The following STARD13 variants were observed in gnomAD, a reference collection of about 807,000 sequenced individuals.
STARD13 encodes the protein StAR related lipid transfer domain containing 13.
In STARD13, 62 loss-of-function variants were observed where a neutral mutation model predicts 106.4. The observed-to-expected ratio is 0.58, with a 90% CI of 0.48 to 0.72. The LOEUF is 0.72. Ranked by LOEUF, STARD13 falls within the 30% of genes least tolerant of loss-of-function variation. The pLI is 0.00. For synonymous variants in STARD13, 565 were observed against 553.0 expected, an observed-to-expected ratio of 1.02 and a Z score of -0.31; for missense variants, 1,387 against 1,424.0, an observed-to-expected ratio of 0.97 and a Z score of 0.42.
the STARD13 span, among the ~76,000 whole-genome samples, chr13:33,535,563 G>T: frequency 6.6e-6 from 1 of 152,120 alleles, no homozygotes; most frequent in Non-Finnish European, 1.5e-5. Context: ...TAATTGTTTT[G>T]ATTTTCAAAA....
the STARD13 span, among the ~76,000 whole-genome samples, chr13:33,649,085 G>T: frequency 6.6e-6 from 1 of 152,004 alleles, no homozygotes; most frequent in Non-Finnish European, 1.5e-5. Flanking sequence ...GAGCCACTGC[G>T]CCCAGCCTGT....
At chr13:33,577,149 G>A in the STARD13 span, among the ~76,000 whole-genome samples, 1 of 152,154 alleles carries the variant, frequency 6.6e-6, no homozygotes, top group Non-Finnish European at 1.5e-5. Context: ...TCTTGATTGA[G>A]TGATTTTCAT....
At chr13:33,364,770 T>A in the STARD13 span, among the ~76,000 whole-genome samples, 1 of 152,122 alleles carries the variant, frequency 6.6e-6, no homozygotes, top group East Asian at 1.9e-4. Flanking sequence ...GCGCCTGTAG[T>A]CCCAGCTACT....
chr13:33,583,499 A>G, the STARD13 span, among the ~76,000 whole-genome samples: 6,884 of 152,088 alleles, frequency 0.045, 290 homozygotes, highest in East Asian at 0.25. Context: ...GGTGGCTCCT[A>G]TATTTTAGTC....
intron 5 of STARD13, 31 bp downstream of exon 5, chr13:33,128,898 A>G (rs1877669656): frequency 6.4e-7 from 1 of 1,561,522 alleles, no homozygotes; most frequent in South Asian, 1.2e-5. Flanking sequence ...GAAATGGATG[A>G]AAAATCATTT....
In STARD13 at chr13:33,285,720, CCAGCCCAGGA is replaced by C; in HGVS notation, c.-92_-83del. On this transcript the variant is annotated 5_prime_UTR_variant, in exon 1 of 14. Coordinates refer to ENST00000336934, the MANE Select transcript of STARD13 (RefSeq NM_178006.4). ...CAGTCTCAGTCAAAGAGCAAGGCAC[CCAGCCCAGGA>C]CAGCTCAACAGACCCAGCGATTTTT... 1 of 1,576,804 alleles carries C rather than the reference CCAGCCCAGGA, an allele frequency of 6.3e-7. No homozygotes were observed. Among genetic ancestry groups the C allele is most frequent in the Non-Finnish European group, 8.6e-7 (1 of 1,165,032 alleles).
At chr13:33,315,967 TGTC>T (rs959388025) in intron 1 of STARD13, among the ~76,000 whole-genome samples, 4 of 152,160 alleles carry the variant, frequency 2.6e-5, no homozygotes, top group African/African-American at 9.7e-5. Flanking sequence ...GTTACTGTGT[TGTC>T]GTGCATTCTA....
the STARD13 span, among the ~76,000 whole-genome samples, chr13:33,385,435 TA>T: frequency 7.9e-6 from 1 of 125,998 alleles, no homozygotes; most frequent in East Asian, 2.3e-4. Flanking sequence ...GAGGAACTGG[TA>T]ACTGAGTAAA....
At chr13:33,368,798 G>A in the STARD13 span, among the ~76,000 whole-genome samples, 3 of 152,086 alleles carry the variant, frequency 2.0e-5, no homozygotes, top group East Asian at 1.9e-4. Context: ...CGGAGGAGCC[G>A]GCCCACCATT....
the STARD13 span, among the ~76,000 whole-genome samples, chr13:33,426,785 C>T: frequency 1.3e-5 from 2 of 152,084 alleles, no homozygotes; most frequent in Admixed American, 6.5e-5. Context: ...TAAGAGGTCA[C>T]AGTACTCCTA....
chr13:33,205,939 A>T, intron 1 of STARD13: 1 of 982,414 alleles, frequency 1.0e-6, no homozygotes, highest in Non-Finnish European at 1.2e-6. Flanking sequence ...TGCATCTGTC[A>T]CCGAGTGTTT....
intron 1 of STARD13, among the ~76,000 whole-genome samples, chr13:33,265,738 G>T (rs1301370626): frequency 6.6e-6 from 1 of 151,982 alleles, no homozygotes; most frequent in East Asian, 1.9e-4. Flanking sequence ...AAATGTATAT[G>T]ATTCCAGTGA....
intron 1 of STARD13, among the ~76,000 whole-genome samples, chr13:33,254,385 T>C (rs1426580628): frequency 6.6e-6 from 1 of 152,222 alleles, no homozygotes; most frequent in African/African-American, 2.4e-5. Context: ...GTTGTCATTA[T>C]TGCTGATTTG....
the STARD13 span, among the ~76,000 whole-genome samples, chr13:33,462,205 T>C: frequency 1.3e-5 from 2 of 152,198 alleles, no homozygotes; most frequent in Non-Finnish European, 2.9e-5. Flanking sequence ...ACCTTTAAAG[T>C]GTCAACATTC....
the STARD13 span, among the ~76,000 whole-genome samples, chr13:33,615,034 G>T: frequency 1.3e-5 from 2 of 152,178 alleles, no homozygotes; most frequent in Non-Finnish European, 2.9e-5. Flanking sequence ...AAAGAGGCCA[G>T]TTAGGAGAGG....
chr13:33,375,837 A>G, the STARD13 span, among the ~76,000 whole-genome samples: 1 of 152,166 alleles, frequency 6.6e-6, no homozygotes, highest in South Asian at 2.1e-4. Context: ...AGCCAACCAT[A>G]TCAGCCCCCT....
the STARD13 span, among the ~76,000 whole-genome samples, chr13:33,394,739 T>C: frequency 6.6e-6 from 1 of 152,188 alleles, no homozygotes; most frequent in Non-Finnish European, 1.5e-5. Context: ...GTGTTCCTAG[T>C]ACATTCCACT....
At chr13:33,108,419 T>G (rs1874064740) in intron 12 of STARD13, among the ~76,000 whole-genome samples, 1 of 152,176 alleles carries the variant, frequency 6.6e-6, no homozygotes, top group African/African-American at 2.4e-5. Context: ...CTTCAAGTCT[T>G]GGATCAAAAT....
In STARD13 at chr13:33,328,061, T is replaced by C. The variant is rs945627400; in HGVS notation, c.124+22229A>G. 3.9e-5 allele frequency among the ~76,000 whole-genome samples: 6 copies of C among 152,376 alleles called. No individual in the cohort carries two copies. The South Asian group carries it at 1.2e-3, about 32-fold the overall frequency. On this transcript the variant is annotated intron_variant, in intron 1 of 5. Coordinates refer to the STARD13 transcript ENST00000567873. ...TTTTGGCTTAATCATACCTAAAACA[T>C]CATATGACATTTGTTTTTCGTATAC...
Sources: allele counts gnomAD v4.1 joint callset (sites outside exome capture counted in the v4.1 genomes callset), GRCh38; gene constraint gnomAD v4.1.1; transcripts MANE v1.5; gene names NCBI Gene and HGNC (gene_info 2026-07-23, HGNC 2026-07-21).